LINGO2: variants seen among roughly 807,000 people sequenced by gnomAD.
LINGO2 encodes the protein leucine rich repeat and Ig domain containing 2.
LINGO2 carries 14 observed loss-of-function variants against 30.6 expected under a neutral mutation model. The ratio of observed to expected loss-of-function variants is 0.46; its 90% CI spans 0.30 to 0.72. The LOEUF (loss-of-function observed/expected upper bound fraction) is 0.72. Ranked by LOEUF, LINGO2 falls within the 30% of genes least tolerant of loss-of-function variation. The pLI, the probability that LINGO2 is intolerant of heterozygous loss-of-function variation, is 0.07. For missense variants in LINGO2, 729 were observed against 751.7 expected (o/e 0.97, Z 0.35); for synonymous variants, 317 against 288.5 (o/e 1.10, Z -1.00).
intron 2 of LINGO2, among the ~76,000 whole-genome samples, chr9:28,380,231 T>C (rs753686965): frequency 4.6e-5 from 7 of 151,990 alleles, no homozygotes; most frequent in Non-Finnish European, 7.4e-5. Flanking sequence ...TTCAAACATA[T>C]ACAATGTGTC....
the LINGO2 span, among the ~76,000 whole-genome samples, chr9:29,188,037 T>A: frequency 0.14 from 17,353 of 122,880 alleles, 854 homozygotes; most frequent in East Asian, 0.32. Flanking sequence ...TTTTTTTTTT[T>A]ATTGATCATT....
the LINGO2 span, among the ~76,000 whole-genome samples, chr9:28,823,512 C>T: frequency 2.0e-5 from 3 of 152,260 alleles, no homozygotes; most frequent in African/African-American, 7.2e-5. Flanking sequence ...TTTGTGACTG[C>T]TTTGATCACA....
chr9:29,168,898 T>A, the LINGO2 span, among the ~76,000 whole-genome samples: 3 of 152,182 alleles, frequency 2.0e-5, no homozygotes, highest in African/African-American at 7.2e-5. Context: ...CAATATGTCA[T>A]CACTGTCCTG....
At chr9:28,274,024 C>T (rs762055001) in intron 4 of LINGO2, among the ~76,000 whole-genome samples, 5 of 152,212 alleles carry the variant, frequency 3.3e-5, no homozygotes, top group Middle Eastern at 3.4e-3. Flanking sequence ...ACCATTATAT[C>T]AACCAGAAGA....
chr9:28,641,087 G>A (rs1275934667), intron 1 of LINGO2, among the ~76,000 whole-genome samples: 2 of 152,096 alleles, frequency 1.3e-5, no homozygotes, highest in East Asian at 3.9e-4. Flanking sequence ...AGGCTGGAGT[G>A]CAGTGGCGCA....
the LINGO2 span, among the ~76,000 whole-genome samples, chr9:28,889,336 G>T: frequency 6.6e-6 from 1 of 152,154 alleles, no homozygotes; most frequent in African/African-American, 2.4e-5. Flanking sequence ...GCAATGGGAA[G>T]AATCTAGCAA....
intron 4 of LINGO2, among the ~76,000 whole-genome samples, chr9:28,241,329 G>A (rs972640631): frequency 5.3e-5 from 8 of 150,328 alleles, no homozygotes; most frequent in Non-Finnish European, 1.0e-4. Context: ...TGTGGGGTGG[G>A]GCCAAGATAG....
chr9:28,008,437 C>CT (rs1426220850), intron 5 of LINGO2, among the ~76,000 whole-genome samples: 3 of 151,922 alleles, frequency 2.0e-5, no homozygotes, highest in Non-Finnish European at 2.9e-5. Flanking sequence ...ACTCTTGCAA[C>CT]TTCTATTCAC....
At chr9:28,153,613 G>A (rs1052878794) in intron 4 of LINGO2, among the ~76,000 whole-genome samples, 1 of 152,010 alleles carries the variant, frequency 6.6e-6, no homozygotes, top group Non-Finnish European at 1.5e-5. Context: ...TGATTCCAGT[G>A]GTCTTTACTT....
At chr9:28,652,567 T>C (rs1041089503) in intron 1 of LINGO2, among the ~76,000 whole-genome samples, 5 of 152,042 alleles carry the variant, frequency 3.3e-5, no homozygotes, top group African/African-American at 9.7e-5. Flanking sequence ...TCCCAAATGA[T>C]GAAGGGAGAA....
intron 4 of LINGO2, among the ~76,000 whole-genome samples, chr9:28,289,948 C>T (rs572929189): frequency 2.4e-4 from 37 of 152,324 alleles, no homozygotes; most frequent in Non-Finnish European, 5.1e-4. Context: ...TTCCTCCTGG[C>T]TCACTGATGC....
At chr9:28,763,612 A>G in the LINGO2 span, among the ~76,000 whole-genome samples, 1 of 151,888 alleles carries the variant, frequency 6.6e-6, no homozygotes, top group Non-Finnish European at 1.5e-5. Context: ...ACCTACATTT[A>G]TACCTAAAGG....
At chr9:28,441,251 CTTTTTTTTTTTTTTTTTTTTTTTTTTTT>C (rs72213590) in intron 2 of LINGO2, among the ~76,000 whole-genome samples, 1 of 36,262 alleles carries the variant, frequency 2.8e-5, no homozygotes, top group Non-Finnish European at 5.3e-5. Context: ...TCATTGGAGG[CTTTTTTTTTTTTTTTTTTTTTTTTTTTT>C]TTTTTTTTTT....
intron 4 of LINGO2, among the ~76,000 whole-genome samples, chr9:28,144,944 G>A (rs950237550): frequency 3.9e-5 from 6 of 152,110 alleles, no homozygotes; most frequent in African/African-American, 2.4e-5. Flanking sequence ...ATTTTGCAGT[G>A]GAAACTTTTG....
In LINGO2 at chr9:28,236,307, T is replaced by C. The variant is rs113503443; in HGVS notation, c.-87+58901A>G. ...TGAGAGATTTCATCAACACCAGACC[T>C]GTCCAACAAGAAATGCTAAAGGGAT... is the stretch of plus-strand genomic sequence containing the variant. On this transcript the variant is annotated intron_variant, in intron 4 of 5. Transcript: ENST00000379992. Among the ~76,000 whole-genome samples the C allele has an allele frequency of 2.8e-3, 423 of 152,264 alleles. 2 individuals are homozygous for C. The highest frequency in any genetic ancestry group is 9.1e-3 in the African/African-American group (378 of 41,558).
chr9:28,525,451 G>T (rs577015643), intron 1 of LINGO2, among the ~76,000 whole-genome samples: 1 of 152,076 alleles, frequency 6.6e-6, no homozygotes, highest in Admixed American at 6.6e-5. Flanking sequence ...ACAAAATATG[G>T]TATACCTATA....
At chr9:28,850,614 CA>C in the LINGO2 span, among the ~76,000 whole-genome samples, 5 of 152,072 alleles carry the variant, frequency 3.3e-5, no homozygotes, top group African/African-American at 1.2e-4. Context: ...CCACCTCAGC[CA>C]GTGATGTTCC....
At chr9:28,571,855 TCA>T (rs1823711761) in intron 1 of LINGO2, among the ~76,000 whole-genome samples, 1 of 152,086 alleles carries the variant, frequency 6.6e-6, no homozygotes, top group Admixed American at 6.6e-5. Flanking sequence ...TAGCTATTAC[TCA>T]CAGAGGAACA....
At chr9:28,351,215 G>GC (rs1162632215) in intron 3 of LINGO2, among the ~76,000 whole-genome samples, 1 of 148,850 alleles carries the variant, frequency 6.7e-6, no homozygotes, top group Non-Finnish European at 1.5e-5. Context: ...CCAGGAGCTG[G>GC]TTTTTTGAAA....
Sources: allele counts gnomAD v4.1 joint callset (sites outside exome capture counted in the v4.1 genomes callset), GRCh38; gene constraint gnomAD v4.1.1; transcripts MANE v1.5; gene names NCBI Gene and HGNC (gene_info 2026-07-23, HGNC 2026-07-21).